The following MAP7D2 variants were observed in gnomAD, a reference collection of about 807,000 sequenced individuals.
MAP7D2 encodes the protein MAP7 domain-containing protein 2.
In MAP7D2, 33 loss-of-function variants were observed where a neutral mutation model predicts 63.5. That is an observed-to-expected ratio of 0.52 (90% CI 0.39 to 0.70). The LOEUF is 0.70. Ranked by LOEUF, MAP7D2 falls within the 30% of genes least tolerant of loss-of-function variation. The pLI is 0.00. For synonymous variants in MAP7D2, 224 were observed against 223.7 expected (o/e 1.00, Z -0.01); for missense variants, 626 against 604.0 (o/e 1.04, Z -0.38).
At chrX:20,084,836 G>C (rs778354239) in intron 1 of MAP7D2, among the ~76,000 whole-genome samples, 1 of 111,416 alleles carries the variant, frequency 9.0e-6, no homozygotes, top group Non-Finnish European at 1.9e-5. Flanking sequence ...GCCTCTCAAA[G>C]TGCTGGGATT....
chrX:20,075,509 T>C (rs903233431), intron 1 of MAP7D2, among the ~76,000 whole-genome samples: 6 of 110,619 alleles, frequency 5.4e-5, no homozygotes, highest in African/African-American at 1.7e-4. Context: ...ATGAGCCATG[T>C]TGGACTGTTT....
intron 15 of MAP7D2, among the ~76,000 whole-genome samples, chrX:20,011,913 C>T (rs981460776): frequency 8.9e-6 from 1 of 112,520 alleles, no homozygotes; most frequent in African/African-American, 3.2e-5. Flanking sequence ...CACCAGGAAT[C>T]TCTTAACAGC....
At chrX:20,040,641 A>G (rs7051930) in intron 8 of MAP7D2, among the ~76,000 whole-genome samples, 42,140 of 110,343 alleles carry the variant, frequency 0.38, 8,991 homozygotes, top group African/African-American at 0.82. Context: ...AGACAGATCC[A>G]AGGAGAGGGA....
chrX:20,032,474 C>A (rs1247632642), intron 8 of MAP7D2, among the ~76,000 whole-genome samples: 2 of 111,204 alleles, frequency 1.8e-5, no homozygotes, highest in African/African-American at 6.6e-5. Flanking sequence ...AAAGGGATAG[C>A]CTGGGTCTGG....
intron 1 of MAP7D2, among the ~76,000 whole-genome samples, chrX:20,090,382 A>G (rs2066037272): frequency 1.8e-5 from 2 of 109,122 alleles, no homozygotes; most frequent in Non-Finnish European, 1.9e-5. Context: ...AAAAAAAAAA[A>G]AAAATGTGAA....
At position 20,063,426 on chromosome X, in the gene MAP7D2, GA is replaced by G; in HGVS notation, c.359del (p.Leu120ProfsTer11). On this transcript the variant is annotated frameshift_variant, in exon 3 of 17. Coordinates refer to ENST00000379643, the MANE Select transcript of MAP7D2 (RefSeq NM_001168465.2). LOFTEE classifies it high-confidence loss of function. ...ACCTGGGCCTTACCTCCTCCTCCCGGAGCTTCTGTTTCCTTTTCTCTTCCAC... is the reference window on the plus strand; with the variant it reads ...ACCTGGGCCTTACCTCCTCCTCCCGGGCTTCTGTTTCCTTTTCTCTTCCAC... ...AAVEEKRKQKLREEEERLEAM... is the reference protein window; with the variant it reads ...AAVEEKRKQKXREEEERLEAM... 1 of 1,211,050 alleles carries G rather than the reference GA, an allele frequency of 8.3e-7. No individual in the cohort carries two copies. The highest frequency in any genetic ancestry group is 1.1e-6 in the Non-Finnish European group (1 of 895,265).
chrX:20,054,802 G>C (rs1377940217), intron 4 of MAP7D2, among the ~76,000 whole-genome samples: 3 of 110,852 alleles, frequency 2.7e-5, no homozygotes, highest in Non-Finnish European at 5.7e-5. Context: ...GGCTGGTCTC[G>C]AACTACTGAC....
chrX:20,020,956 T>C (rs899632796), intron 10 of MAP7D2, among the ~76,000 whole-genome samples: 1 of 112,283 alleles, frequency 8.9e-6, no homozygotes, highest in Admixed American at 9.4e-5. Context: ...TTCAAGTAGC[T>C]GGGACTACAG....
At chrX:20,070,152 T>C (rs1048352651) in intron 1 of MAP7D2, among the ~76,000 whole-genome samples, 4 of 111,451 alleles carry the variant, frequency 3.6e-5, no homozygotes, top group Non-Finnish European at 7.6e-5. Flanking sequence ...TTTCACCATG[T>C]TGGTCAAGCT....
At chrX:20,024,843 C>A in intron 10 of MAP7D2, 108 bp downstream of exon 10, 1 of 908,034 alleles carries the variant, frequency 1.1e-6, no homozygotes, top group Non-Finnish European at 1.5e-6. Context: ...GGTTCCCATA[C>A]TTCTGTTCAA....
intron 1 of MAP7D2, among the ~76,000 whole-genome samples, chrX:20,094,514 A>ACG (rs2066171455): frequency 4.0e-4 from 4 of 9,987 alleles, no homozygotes; most frequent in East Asian, 4.8e-3. Context: ...ATATATATAT[A>ACG]TGTATATATA....
intron 1 of MAP7D2, among the ~76,000 whole-genome samples, chrX:20,105,291 T>A (rs748806756): frequency 3.6e-5 from 4 of 111,580 alleles, no homozygotes; most frequent in Middle Eastern, 4.2e-3. Context: ...CCCATACATC[T>A]ACCACAGCAA....
chrX:20,097,071 G>A (rs1054304258), intron 1 of MAP7D2, among the ~76,000 whole-genome samples: 10 of 111,075 alleles, frequency 9.0e-5, no homozygotes, highest in Non-Finnish European at 1.9e-4. Flanking sequence ...CCCTAGACCG[G>A]CACTGTCCCA....
intron 5 of MAP7D2, among the ~76,000 whole-genome samples, chrX:20,051,931 T>G (rs922952676): frequency 1.8e-5 from 2 of 112,429 alleles, no homozygotes; most frequent in Admixed American, 1.9e-4. Context: ...TCTTCATCAC[T>G]TCCAGGTTCC....
intron 1 of MAP7D2, among the ~76,000 whole-genome samples, chrX:20,095,365 C>A (rs2066230017): frequency 9.0e-6 from 1 of 111,088 alleles, no homozygotes; most frequent in Admixed American, 9.7e-5. Context: ...ATAGTGAGAC[C>A]ACATCTCTAC....
At chrX:20,034,225 CAAAAAAAAAAAA>C (rs397895765) in intron 8 of MAP7D2, among the ~76,000 whole-genome samples, 1 of 27,183 alleles carries the variant, frequency 3.7e-5, no homozygotes, top group Non-Finnish European at 5.8e-5. Context: ...ACCCTGTCTC[CAAAAAAAAAAAA>C]AAAAAAAAAA....
chrX:20,056,812 A>G, intron 3 of MAP7D2, 21 bp from the exon 4 acceptor site: 1 of 1,175,678 alleles, frequency 8.5e-7, no homozygotes, highest in Non-Finnish European at 1.2e-6. Context: ...CGTGTAAGGC[A>G]AGTGTTAACA....
intron 8 of MAP7D2, among the ~76,000 whole-genome samples, chrX:20,035,518 TA>T (rs1294282729): frequency 9.0e-6 from 1 of 111,647 alleles, no homozygotes; most frequent in Non-Finnish European, 1.9e-5. Context: ...TTAAACTGCA[TA>T]AAAAAGTCTG....
chrX:20,052,743 C>T (rs2064980104), intron 5 of MAP7D2, 135 bp downstream of exon 5: 1 of 511,527 alleles, frequency 2.0e-6, no homozygotes, highest in South Asian at 3.1e-5. Context: ...AGAGCTCCCA[C>T]ATTCAGACCA....
Sources: allele counts gnomAD v4.1 joint callset (sites outside exome capture counted in the v4.1 genomes callset), GRCh38; gene constraint gnomAD v4.1.1; transcripts MANE v1.5; gene names NCBI Gene and HGNC (gene_info 2026-07-23, HGNC 2026-07-21).